Variants in RABGAP1L observed in about 807,000 individuals in gnomAD.
The protein encoded by RABGAP1L is rab GTPase-activating protein 1-like.
RABGAP1L carries 63 observed loss-of-function variants against 137.7 expected under a neutral mutation model. That is an observed-to-expected ratio of 0.46 (90% confidence interval 0.37 to 0.56). The LOEUF is 0.56. Ranked by LOEUF, RABGAP1L falls within the 20% of genes least tolerant of loss-of-function variation. The pLI is 0.00. For missense variants in RABGAP1L, 1,095 were observed against 1,244.0 expected, an observed-to-expected ratio of 0.88 and a Z score of 1.80; for synonymous variants, 431 against 433.7, an observed-to-expected ratio of 0.99 and a Z score of 0.08.
chr1:174,522,755 C>G (rs892096488), intron 13 of RABGAP1L, among the ~76,000 whole-genome samples: 2 of 152,108 alleles, frequency 1.3e-5, no homozygotes, highest in African/African-American at 2.4e-5. Flanking sequence ...GGGGAGCAAG[C>G]ATGTCACATG....
At chr1:174,680,110 A>C (rs1457302147) in intron 14 of RABGAP1L, among the ~76,000 whole-genome samples, 6 of 152,248 alleles carry the variant, frequency 3.9e-5, no homozygotes, top group Admixed American at 1.3e-4. Flanking sequence ...GAAAAACAGC[A>C]TTAAGAAAAT....
At chr1:174,931,989 G>GT (rs1558247691) in intron 19 of RABGAP1L, among the ~76,000 whole-genome samples, 19 of 94,156 alleles carry the variant, frequency 2.0e-4, no homozygotes, top group South Asian at 6.5e-4. Context: ...CTGCTTTTTT[G>GT]GTTTTTTTTT....
intron 1 of RABGAP1L, among the ~76,000 whole-genome samples, chr1:174,210,735 T>G (rs1476654875): frequency 2.6e-5 from 4 of 152,070 alleles, no homozygotes; most frequent in African/African-American, 7.2e-5. Flanking sequence ...AATATCCAAG[T>G]ACAAGAAGGT....
intron 19 of RABGAP1L, among the ~76,000 whole-genome samples, chr1:174,930,195 A>G (rs1663555458): frequency 6.6e-6 from 1 of 151,598 alleles, no homozygotes; most frequent in African/African-American, 2.4e-5. Context: ...TATTTTATGT[A>G]TTTACTTATG....
At chr1:174,566,999 A>G (rs1387261569) in intron 13 of RABGAP1L, among the ~76,000 whole-genome samples, 1 of 152,182 alleles carries the variant, frequency 6.6e-6, no homozygotes, top group East Asian at 1.9e-4. Context: ...CATAATATTT[A>G]TCATTATACT....
chr1:174,455,016 A>G (rs1655889366), intron 13 of RABGAP1L, among the ~76,000 whole-genome samples: 1 of 152,198 alleles, frequency 6.6e-6, no homozygotes, highest in South Asian at 2.1e-4. Flanking sequence ...TAATTTTTTA[A>G]TGGTAACTTT....
At chr1:174,187,645 A>C (rs550868434) in intron 1 of RABGAP1L, among the ~76,000 whole-genome samples, 1 of 152,266 alleles carries the variant, frequency 6.6e-6, no homozygotes, top group East Asian at 1.9e-4. Flanking sequence ...AATTTACTAA[A>C]ATAATTAGGA....
intron 13 of RABGAP1L, among the ~76,000 whole-genome samples, chr1:174,554,032 A>G (rs933568817): frequency 3.3e-5 from 5 of 152,154 alleles, no homozygotes; most frequent in African/African-American, 4.8e-5. Context: ...ATTACAATCA[A>G]TATTCCTCCT....
At chr1:174,864,541 G>C (rs965414031) in intron 19 of RABGAP1L, among the ~76,000 whole-genome samples, 4 of 152,204 alleles carry the variant, frequency 2.6e-5, no homozygotes, top group Middle Eastern at 3.4e-3. Context: ...GAGCAAAATG[G>C]GGAAAAGCCC....
chr1:174,980,909 G>T (rs1434892709), intron 23 of RABGAP1L, among the ~76,000 whole-genome samples: 19 of 143,896 alleles, frequency 1.3e-4, no homozygotes, highest in African/African-American at 2.8e-4. Context: ...AGTTTTTTTT[G>T]TTTTTTTTTT....
intron 1 of RABGAP1L, among the ~76,000 whole-genome samples, chr1:174,190,887 A>G (rs1310199477): frequency 1.3e-5 from 2 of 152,210 alleles, no homozygotes; most frequent in Admixed American, 1.3e-4. Context: ...TTGTAGCATT[A>G]TTAATTGGCC....
At chr1:174,214,660 T>G (rs1286968582) in intron 1 of RABGAP1L, among the ~76,000 whole-genome samples, 1 of 152,016 alleles carries the variant, frequency 6.6e-6, no homozygotes, top group Admixed American at 6.6e-5. Context: ...TGGAACATAA[T>G]AGGGAACCCA....
At chr1:174,168,213 C>G (rs925266144) in intron 1 of RABGAP1L, among the ~76,000 whole-genome samples, 1 of 135,830 alleles carries the variant, frequency 7.4e-6, no homozygotes, top group Non-Finnish European at 1.5e-5. Context: ...TGCAGTGAGC[C>G]AAGATCGTGC....
intron 17 of RABGAP1L, among the ~76,000 whole-genome samples, chr1:174,722,472 G>A (rs1193195525): frequency 6.7e-6 from 1 of 150,072 alleles, no homozygotes; most frequent in East Asian, 2.0e-4. Flanking sequence ...TTTTTGAGAC[G>A]GAGTTTCACT....
At chr1:174,580,448 G>A (rs1277033348) in intron 13 of RABGAP1L, among the ~76,000 whole-genome samples, 1 of 152,192 alleles carries the variant, frequency 6.6e-6, no homozygotes, top group African/African-American at 2.4e-5. Context: ...ATACTATGCA[G>A]CCATAAAAAA....
chr1:174,548,617 C>T (rs989030226), intron 13 of RABGAP1L: 1 of 905,404 alleles, frequency 1.1e-6, no homozygotes, highest in Non-Finnish European at 1.3e-6. Flanking sequence ...AGGGCTTCTG[C>T]ATACCACCCA....
At chr1:174,749,995 A>G (rs1684218784) in intron 17 of RABGAP1L, among the ~76,000 whole-genome samples, 1 of 151,932 alleles carries the variant, frequency 6.6e-6, no homozygotes, top group Admixed American at 6.6e-5. Context: ...TCGGCCTCCC[A>G]AGTAGCTGGG....
chr1:174,775,533 G>A (rs1282635473), intron 18 of RABGAP1L, among the ~76,000 whole-genome samples: 3 of 151,944 alleles, frequency 2.0e-5, no homozygotes, highest in Non-Finnish European at 2.9e-5. Context: ...GGCTGGTCTC[G>A]AACTCCCGAC....
intron 1 of RABGAP1L, among the ~76,000 whole-genome samples, chr1:174,180,951 A>G (rs1558008635): frequency 2.6e-5 from 4 of 152,184 alleles, no homozygotes; most frequent in Admixed American, 2.6e-4. Context: ...TTTAAGATCA[A>G]TATGTGAAGT....
Sources: allele counts gnomAD v4.1 joint callset (sites outside exome capture counted in the v4.1 genomes callset), GRCh38; gene constraint gnomAD v4.1.1; transcripts MANE v1.5; gene names NCBI Gene and HGNC (gene_info 2026-07-23, HGNC 2026-07-21).